Variants in RAD51B observed in about 807,000 individuals in gnomAD.
RAD51B encodes DNA repair protein RAD51 homolog 2.
RAD51B carries 38 observed loss-of-function variants against 42.2 expected under a neutral mutation model. The observed-to-expected ratio is 0.90, with a 90% CI of 0.70 to 1.18. RAD51B has a LOEUF of 1.18. Among genes scored for constraint, RAD51B ranks in the 50% most tolerant of loss-of-function variants. The pLI is 0.00. For missense variants in RAD51B, 373 were observed against 400.7 expected (o/e 0.93, Z 0.59); for synonymous variants, 154 against 145.2 (o/e 1.06, Z -0.43).
chr14:68,400,039 C>T (rs939648436), intron 8 of RAD51B, among the ~76,000 whole-genome samples: 11 of 152,126 alleles, frequency 7.2e-5, no homozygotes, highest in African/African-American at 2.7e-4. Flanking sequence ...TGCAAAGAGC[C>T]AGTGATCCAA....
intron 10 of RAD51B, among the ~76,000 whole-genome samples, chr14:68,523,636 C>A (rs1174918747): frequency 6.6e-6 from 1 of 152,166 alleles, no homozygotes; most frequent in East Asian, 1.9e-4. Flanking sequence ...TCATTTACCC[C>A]CTCAACAGTG....
chr14:68,618,365 G>A lies in RAD51B; in HGVS notation c.1037-32416G>A, dbSNP rs569672151. On this transcript the variant is annotated intron_variant, in intron 10 of 11. Transcript: ENST00000488612. Reference sequence around the variant, plus strand: ...CTAGATCCTTTCCTGTCAAATCACTGTGAATTAGTTTTGCCCCTCTACCAA... The same window carrying A: ...CTAGATCCTTTCCTGTCAAATCACTATGAATTAGTTTTGCCCCTCTACCAA... Among the ~76,000 whole-genome samples, 7 of 152,256 alleles carry A rather than the reference G, an allele frequency of 4.6e-5. No individual in the cohort carries two copies. The South Asian group carries it at 8.3e-4, about 18-fold the overall frequency.
Position 68,489,153 on chromosome 14 carries a change from T to C in RAD51B, c.1036+20903T>C, listed in dbSNP as rs142672964. Among the ~76,000 whole-genome samples the C allele has an allele frequency of 1.1e-3, 172 of 151,960 alleles. 3 individuals are homozygous for C. In the East Asian group the frequency reaches 0.03, roughly 26 times the overall value. ...TTTTTTTATTAAATTTTTCTTTAAA[T>C]CTTGAAATTCAAAAATTATAAAATA... is the stretch of plus-strand genomic sequence containing the variant. On this transcript the variant is annotated intron_variant, in intron 10 of 10. Transcript: ENST00000487270.
chr14:68,522,524 T>G (rs1351169401), intron 10 of RAD51B, among the ~76,000 whole-genome samples: 1 of 152,192 alleles, frequency 6.6e-6, no homozygotes, highest in Non-Finnish European at 1.5e-5. Context: ...CTCCCTCTCC[T>G]GGCTCAGAGG....
At chr14:68,041,945 C>G (rs1225903047) in intron 7 of RAD51B, among the ~76,000 whole-genome samples, 1 of 152,132 alleles carries the variant, frequency 6.6e-6, no homozygotes, top group Non-Finnish European at 1.5e-5. Context: ...CTCAGGAGAC[C>G]CCATGAAAGC....
intron 10 of RAD51B, among the ~76,000 whole-genome samples, chr14:68,610,235 C>T (rs1891623453): frequency 6.6e-6 from 1 of 152,218 alleles, no homozygotes; most frequent in South Asian, 2.1e-4. Flanking sequence ...CTCTTCATCT[C>T]TTTCTTCTCT....
intron 7 of RAD51B, among the ~76,000 whole-genome samples, chr14:67,985,781 G>A (rs931705886): frequency 6.6e-6 from 1 of 151,938 alleles, no homozygotes; most frequent in Non-Finnish European, 1.5e-5. Flanking sequence ...GTGGTGGTGC[G>A]TCCCTGTAGT....
chr14:68,527,164 C>T (rs975535131), intron 10 of RAD51B, among the ~76,000 whole-genome samples: 15 of 152,210 alleles, frequency 9.9e-5, no homozygotes, highest in African/African-American at 3.6e-4. Context: ...ATGAAAAAGC[C>T]TACATGCTCT....
At chr14:68,179,157 G>A (rs892546866) in intron 7 of RAD51B, among the ~76,000 whole-genome samples, 5 of 152,146 alleles carry the variant, frequency 3.3e-5, no homozygotes, top group African/African-American at 4.8e-5. Flanking sequence ...TATGTGTGAA[G>A]CATTCCTTTT....
chr14:67,948,191 A>G (rs2045461150), intron 7 of RAD51B, among the ~76,000 whole-genome samples: 1 of 152,226 alleles, frequency 6.6e-6, no homozygotes, highest in Non-Finnish European at 1.5e-5. Flanking sequence ...ACAGGAATAT[A>G]TATTTTAAGA....
intron 8 of RAD51B, among the ~76,000 whole-genome samples, chr14:68,295,376 A>AGG (rs2081593314): frequency 1.1e-4 from 16 of 152,228 alleles, no homozygotes; most frequent in Non-Finnish European, 2.2e-4. Context: ...AGCAACACAA[A>AGG]AACAAAGAAC....
intron 9 of RAD51B, among the ~76,000 whole-genome samples, chr14:68,455,070 G>A (rs2085651218): frequency 6.7e-6 from 1 of 149,080 alleles, no homozygotes; most frequent in Admixed American, 6.7e-5. Flanking sequence ...CACACACACA[G>A]GCTGAAAGAT....
intron 10 of RAD51B, among the ~76,000 whole-genome samples, chr14:68,620,080 T>C (rs1161874647): frequency 6.6e-6 from 1 of 152,248 alleles, no homozygotes; most frequent in Non-Finnish European, 1.5e-5. Flanking sequence ...TTCCAAGATC[T>C]GAGGTAAGAT....
intron 7 of RAD51B, among the ~76,000 whole-genome samples, chr14:67,945,558 C>T (rs570206783): frequency 1.3e-5 from 2 of 152,172 alleles, no homozygotes; most frequent in South Asian, 4.2e-4. Context: ...CGCAATCTCT[C>T]CTCCCGGGTT....
At chr14:68,574,381 C>T (rs1245149838) in intron 10 of RAD51B, among the ~76,000 whole-genome samples, 1 of 152,238 alleles carries the variant, frequency 6.6e-6, no homozygotes, top group African/African-American at 2.4e-5. Flanking sequence ...AGCCACTGCA[C>T]CCGGCCACAG....
At chr14:68,114,500 TATG>T (rs1189462940) in intron 7 of RAD51B, among the ~76,000 whole-genome samples, 1 of 152,120 alleles carries the variant, frequency 6.6e-6, no homozygotes, top group Admixed American at 6.6e-5. Context: ...TGCAGATACA[TATG>T]ATGGTTTCTC....
At chr14:68,118,687 T>G (rs1043175642) in intron 7 of RAD51B, among the ~76,000 whole-genome samples, 1 of 152,232 alleles carries the variant, frequency 6.6e-6, no homozygotes, top group Non-Finnish European at 1.5e-5. Context: ...CGGATTTTTT[T>G]ATAATGCTTT....
intron 7 of RAD51B, among the ~76,000 whole-genome samples, chr14:68,002,902 C>T (rs942052647): frequency 2.6e-5 from 4 of 152,116 alleles, no homozygotes; most frequent in African/African-American, 9.7e-5. Flanking sequence ...TGTTCTTGTA[C>T]CAGTACCATG....
intron 8 of RAD51B, among the ~76,000 whole-genome samples, chr14:68,310,353 C>T (rs1017856798): frequency 6.6e-6 from 1 of 152,200 alleles, no homozygotes; most frequent in African/African-American, 2.4e-5. Context: ...TTCCTCTTAT[C>T]ACCTGATATG....
Sources: gnomAD v4.1 joint callset for allele counts (sites outside exome capture counted in the v4.1 genomes callset) on GRCh38, gnomAD v4.1.1 for gene constraint, MANE v1.5 for transcripts, NCBI Gene and HGNC (gene_info 2026-07-23, HGNC 2026-07-21) for gene names.